PALB2: variants seen among roughly 807,000 people sequenced by gnomAD.
PALB2 encodes mutant partner and localizer of BRCA2.
A neutral mutation model predicts 107.4 loss-of-function variants in PALB2; 82 were observed. The observed-to-expected ratio is 0.76, with a 90% confidence interval of 0.64 to 0.92. PALB2 has a LOEUF of 0.92. Ranked by LOEUF, PALB2 falls within the 40% of genes least tolerant of loss-of-function variation. The probability of loss-of-function intolerance (pLI) is 0.00; values close to 1 mark genes in which losing one functional copy is unlikely to be tolerated. For synonymous variants in PALB2, 489 were observed against 496.8 expected (o/e 0.98, Z 0.21); for missense variants, 1,374 against 1,379.9 (o/e 1.00, Z 0.07).
intron 4 of PALB2, among the ~76,000 whole-genome samples, chr16:23,632,386 G>C (rs1966886913): frequency 1.3e-5 from 2 of 152,168 alleles, no homozygotes; most frequent in South Asian, 4.1e-4. Context: ...AGAGGTTGCA[G>C]TGAACCAAGA....
intron 11 of PALB2, among the ~76,000 whole-genome samples, chr16:23,609,200 G>C (rs1966539190): frequency 6.6e-6 from 1 of 152,178 alleles, no homozygotes; most frequent in Admixed American, 6.5e-5. Context: ...AGGAGGCCGA[G>C]GCAGTAGGAT....
chr16:23,618,116 T>C (rs1966715295), intron 10 of PALB2, among the ~76,000 whole-genome samples: 1 of 152,036 alleles, frequency 6.6e-6, no homozygotes, highest in Admixed American at 6.6e-5. Context: ...CTGAGTAACA[T>C]ACCAAGTTCT....
chr16:23,626,498 G>A, intron 6 of PALB2, 101 bp from the exon 7 acceptor site: 1 of 1,425,500 alleles, frequency 7.0e-7, no homozygotes, highest in South Asian at 1.2e-5. Context: ...TGAAACAGTA[G>A]GTATGTAAAA....
rs1187661480 is a variant in PALB2 at position 23,627,490 on chromosome 16, T to A, written c.2587-1093A>T. 4.1e-5 allele frequency among the ~76,000 whole-genome samples: 5 copies of A among 121,212 alleles called. No homozygotes were observed. In the East Asian group the frequency reaches 1.1e-3, roughly 26 times the overall value. 79.5% of individuals were successfully genotyped at this position (121,212 alleles called of 152,430 possible). A position where few individuals can be genotyped will look rare whatever the true frequency, so the allele number is the denominator to read the frequency against. Reference sequence around the variant, plus strand: ...GCCTGGGCGACAGAGCAAGACTCCGTCTCAAAAAAAAAAAAAAAAAAGAAA... The same window carrying A: ...GCCTGGGCGACAGAGCAAGACTCCGACTCAAAAAAAAAAAAAAAAAAGAAA... On this transcript the variant is annotated intron_variant, in intron 6 of 12. Coordinates refer to ENST00000261584, the MANE Select transcript of PALB2 (RefSeq NM_024675.4).
At chr16:23,613,896 A>G in intron 11 of PALB2, 108 bp downstream of exon 11, 1 of 814,154 alleles carries the variant, frequency 1.2e-6, no homozygotes, top group Non-Finnish European at 2.1e-6. Context: ...CCAATTTTGA[A>G]AAAAGATGCC....
rs747873062 is a variant in PALB2, at chr16:23,629,177, G to A, written c.2586+27C>T. ...TAAAGTTTTCATATGTAAGACACGA[G>A]ACACTGGAAGAGAATATTCTTCTGA... On this transcript the variant is annotated intron_variant, in intron 6 of 12. Transcript: ENST00000261584. 3 of 1,564,654 alleles carry A rather than the reference G, an allele frequency of 1.9e-6. No homozygotes were observed. Among genetic ancestry groups the A allele is most frequent in the Non-Finnish European group, 1.8e-6 (2 of 1,135,968 alleles).
intron 3 of PALB2, among the ~76,000 whole-genome samples, chr16:23,636,897 T>C (rs886499980): frequency 2.6e-5 from 4 of 152,310 alleles, no homozygotes; most frequent in East Asian, 3.9e-4. Flanking sequence ...GAATTGATCA[T>C]TGTTTTTAGA....
At position 23,624,064 on chromosome 16, in the gene PALB2, C is replaced by T. The variant is rs1567214436; in HGVS notation, c.2779G>A (p.Asp927Asn). Residue 927 changes from aspartate (D) to asparagine (N), a missense_variant, in exon 8 of 13, where the codon GAT (aspartate) becomes AAT (asparagine). Physicochemically the swap from Asp to Asn is conservative, Grantham distance 23. Transcript: ENST00000261584. ...GCTACACACACGAGATTATACACATCAGGCACTGGAACTATCTGTAATACT... is the reference window on the plus strand; with the variant it reads ...GCTACACACACGAGATTATACACATTAGGCACTGGAACTATCTGTAATACT... ...VPVLQIVPVP[D>N]VYNLVCVALG... 1 of 1,608,172 alleles carries T rather than the reference C, an allele frequency of 6.2e-7. No homozygotes were observed.
At chr16:23,608,088 C>T in intron 11 of PALB2, 76 bp from the exon 12 acceptor site, 1 of 1,482,294 alleles carries the variant, frequency 6.7e-7, no homozygotes, top group Non-Finnish European at 9.4e-7. Context: ...CTGGCAGAGA[C>T]AAAAACCAAA....
chr16:23,639,904 G>C (rs961153487), intron 1 of PALB2, among the ~76,000 whole-genome samples: 11 of 152,002 alleles, frequency 7.2e-5, no homozygotes, highest in Non-Finnish European at 1.3e-4. Flanking sequence ...TTTTTTGAGA[G>C]ACAGTCTCAC....
chr16:23,622,873 C>G (rs1966796243), intron 9 of PALB2, 96 bp downstream of exon 9: 15 of 1,418,698 alleles, frequency 1.1e-5, no homozygotes, highest in Non-Finnish European at 1.5e-5. Context: ...ACCCCCAGCA[C>G]AGAAAAACGA....
At position 23,629,973 on chromosome 16, in the gene PALB2, A is replaced by C. The variant is rs1555460458; in HGVS notation, c.2181T>G (p.Ala727=). Residue 727 remains alanine, a synonymous_variant, in exon 5 of 13, where the codon GCT becomes GCG. Coordinates refer to ENST00000261584, the MANE Select transcript of PALB2 (RefSeq NM_024675.4). ...DRPTTDMCSP[A]FPILGTTPAF... is the part of the protein sequence containing the mutation. ...CTGGAGTAGTACCTAAGATGGGGAA[A>C]GCAGGTGAACACATGTCTGTGGTAG... 1 of 1,614,210 alleles carries C rather than the reference A, an allele frequency of 6.2e-7. No individual in the cohort carries two copies. Among genetic ancestry groups the C allele is most frequent in the Admixed American group, 1.7e-5 (1 of 60,018 alleles).
In PALB2 at chr16:23,641,176, A is replaced by T. The variant is rs1255828484; in HGVS notation, c.-19T>A. On this transcript the variant is annotated 5_prime_UTR_variant, in exon 1 of 13. Transcript: ENST00000261584. ...CGTCCATCGGGCAGGCGACAGAACG[A>T]AAAGAGCAGCCGTCGCCGACCCCAG... is the stretch of plus-strand genomic sequence containing the variant. 1.9e-6 allele frequency: 3 copies of T among 1,611,734 alleles called. No homozygotes were observed. In the Middle Eastern group the frequency reaches 5.5e-4, roughly 297 times the overall value.
At chr16:23,623,931 G>A in intron 8 of PALB2, 78 bp downstream of exon 8, 2 of 934,140 alleles carry the variant, frequency 2.1e-6, no homozygotes, top group Non-Finnish European at 1.7e-6. Flanking sequence ...CTCAAGCCTA[G>A]GTTATTACCT....
chr16:23,618,393 G>A (rs2142315353), intron 10 of PALB2, among the ~76,000 whole-genome samples: 1 of 152,236 alleles, frequency 6.6e-6, no homozygotes, highest in Non-Finnish European at 1.5e-5. Flanking sequence ...TAGAAAAAGG[G>A]TACAACTGAG....
intron 7 of PALB2, among the ~76,000 whole-genome samples, chr16:23,624,399 T>A (rs951136090): frequency 1.3e-5 from 2 of 152,262 alleles, no homozygotes; most frequent in East Asian, 3.8e-4. Flanking sequence ...AGTATATCTA[T>A]GTTCACTGAA....
chr16:23,626,173 G>T (rs1966842144), intron 7 of PALB2, 63 bp downstream of exon 7: 2 of 1,593,214 alleles, frequency 1.3e-6, no homozygotes, highest in South Asian at 1.1e-5. Context: ...TTGGTAAGCT[G>T]CCCATCTACA....
chr16:23,603,799 C>A, intron 12 of PALB2, 130 bp from the exon 13 acceptor site: 1 of 782,512 alleles, frequency 1.3e-6, no homozygotes, highest in Middle Eastern at 3.3e-4. Flanking sequence ...TGAATGCCTA[C>A]ATTTGTAGCC....
At chr16:23,615,238 T>C (rs548147755) in intron 10 of PALB2, among the ~76,000 whole-genome samples, 7 of 151,788 alleles carry the variant, frequency 4.6e-5, no homozygotes, top group Non-Finnish European at 1.0e-4. Context: ...CACGAGCCAC[T>C]GCACCTGACC....
Sources: gnomAD v4.1 joint callset for allele counts (sites outside exome capture counted in the v4.1 genomes callset) on GRCh38, gnomAD v4.1.1 for gene constraint, MANE v1.5 for transcripts, NCBI Gene and HGNC (gene_info 2026-07-23, HGNC 2026-07-21) for gene names.